Variants in RGL1 observed in about 807,000 individuals in gnomAD.
The protein encoded by RGL1 is ral guanine nucleotide dissociation stimulator like 1.
In RGL1, 24 loss-of-function variants were observed where a neutral mutation model predicts 95.2. That is an observed-to-expected ratio of 0.25 (90% CI 0.18 to 0.35). RGL1 has a LOEUF of 0.35. RGL1 is among the 10% of genes least tolerant of loss of function. The pLI is 1.00. For missense variants in RGL1, 715 were observed against 936.3 expected (o/e 0.76, Z 3.08); for synonymous variants, 329 against 344.9 (o/e 0.95, Z 0.51).
At chr1:183,902,491 A>G in intron 11 of RGL1, 77 bp from the exon 12 acceptor site, 1 of 1,235,266 alleles carries the variant, frequency 8.1e-7, no homozygotes, top group Non-Finnish European at 1.1e-6. Flanking sequence ...GATCTATTTT[A>G]ATGTGACCTA....
intron 1 of RGL1, among the ~76,000 whole-genome samples, chr1:183,662,985 G>A (rs1231028338): frequency 6.6e-6 from 1 of 152,056 alleles, no homozygotes; most frequent in Non-Finnish European, 1.5e-5. Context: ...TTAATAAATG[G>A]TGCTGGGAAA....
At chr1:183,815,657 C>G (rs552341539) in intron 2 of RGL1, among the ~76,000 whole-genome samples, 1 of 152,180 alleles carries the variant, frequency 6.6e-6, no homozygotes, top group East Asian at 1.9e-4. Context: ...AAACTCACCT[C>G]TACCACATGT....
rs753743565 is a variant in RGL1 at position 183,926,112 on chromosome 1, G to A, written c.2127G>A (p.Val709=). The change falls in exon 18 of 18, where the codon GTG becomes GTA. Residue 709 remains valine (V), a synonymous_variant. Transcript: ENST00000360851. ...VQVISEDKEL[V]IPDSANVFYA... The stretch of plus-strand genomic sequence containing the variant: ...TTTCCTTATCTTTTTCAGAACTTGT[G>A]ATTCCAGACTCAGCAAATGTCTTTT... The A allele has an allele frequency of 6.2e-7, 1 of 1,613,202 alleles. No homozygotes were observed. Among genetic ancestry groups the A allele is most frequent in the South Asian group, 1.1e-5 (1 of 90,860 alleles).
chr1:183,811,930 C>T (rs1661745303), intron 2 of RGL1, among the ~76,000 whole-genome samples: 1 of 152,056 alleles, frequency 6.6e-6, no homozygotes, highest in South Asian at 2.1e-4. Flanking sequence ...AAGAAAAAGC[C>T]TCTTGGAGTT....
At chr1:183,686,490 T>G (rs1653595841) in intron 1 of RGL1, among the ~76,000 whole-genome samples, 1 of 152,182 alleles carries the variant, frequency 6.6e-6, no homozygotes, top group African/African-American at 2.4e-5. Flanking sequence ...AAATTTTGAT[T>G]TTTATTCCTA....
chr1:183,877,357 G>A (rs187088914), intron 4 of RGL1, among the ~76,000 whole-genome samples: 216 of 152,308 alleles, frequency 1.4e-3, no homozygotes, highest in African/African-American at 4.9e-3. Flanking sequence ...AAAGCCATTG[G>A]CCAGTAATCC....
At chr1:183,922,078 G>A in intron 16 of RGL1, 144 bp from the exon 17 acceptor site, 1 of 657,870 alleles carries the variant, frequency 1.5e-6, no homozygotes, top group East Asian at 2.8e-5. Flanking sequence ...AGGGATCCTG[G>A]CTCTTGGTCC....
At chr1:183,691,995 T>C (rs1653970380) in intron 1 of RGL1, among the ~76,000 whole-genome samples, 1 of 151,438 alleles carries the variant, frequency 6.6e-6, no homozygotes, top group Admixed American at 6.6e-5. Context: ...ATCTTATTTA[T>C]TGAATCTGGT....
intron 1 of RGL1, among the ~76,000 whole-genome samples, chr1:183,733,068 A>G (rs1656724220): frequency 6.6e-6 from 1 of 152,194 alleles, no homozygotes; most frequent in South Asian, 2.1e-4. Context: ...GATGCATTCT[A>G]TATGGTACAG....
chr1:183,903,419 C>A (rs1032791304), intron 12 of RGL1, among the ~76,000 whole-genome samples: 4 of 152,074 alleles, frequency 2.6e-5, no homozygotes, highest in Non-Finnish European at 5.9e-5. Flanking sequence ...CTGTGATTTT[C>A]ATATTCAAAT....
chr1:183,813,699 G>A (rs929960594), intron 2 of RGL1, among the ~76,000 whole-genome samples: 8 of 152,160 alleles, frequency 5.3e-5, no homozygotes, highest in African/African-American at 1.9e-4. Context: ...AGGTGTCCTG[G>A]TCTTTTTCCA....
At chr1:183,644,023 C>T (rs996065833) in intron 1 of RGL1, among the ~76,000 whole-genome samples, 2 of 152,164 alleles carry the variant, frequency 1.3e-5, no homozygotes, top group South Asian at 4.1e-4. Context: ...AGTTTTCCAC[C>T]CTAGCCCACC....
intron 1 of RGL1, among the ~76,000 whole-genome samples, chr1:183,737,397 T>C (rs1657006095): frequency 6.6e-6 from 1 of 152,152 alleles, no homozygotes; most frequent in African/African-American, 2.4e-5. Context: ...TTGGAAGGAA[T>C]AGAAGAAATA....
intron 2 of RGL1, among the ~76,000 whole-genome samples, chr1:183,815,040 G>A (rs1661990898): frequency 6.6e-6 from 1 of 152,220 alleles, no homozygotes; most frequent in Non-Finnish European, 1.5e-5. Context: ...GGGAGGTCCG[G>A]ATGGGTGGAT....
chr1:183,661,918 A>G (rs1304172789), intron 1 of RGL1, among the ~76,000 whole-genome samples: 3 of 150,486 alleles, frequency 2.0e-5, no homozygotes, highest in Non-Finnish European at 4.4e-5. Flanking sequence ...ACACAAATCA[A>G]TAAATGTAAT....
At chr1:183,709,232 C>T (rs1351577223) in intron 1 of RGL1, 1 of 152,318 alleles carries the variant, frequency 6.6e-6, no homozygotes, top group Non-Finnish European at 1.5e-5. Context: ...CGCCTTGGGA[C>T]TGGGCCTGAG....
intron 7 of RGL1, among the ~76,000 whole-genome samples, chr1:183,886,166 G>A (rs573944398): frequency 2.2e-4 from 34 of 152,216 alleles, no homozygotes; most frequent in Non-Finnish European, 2.5e-4. Context: ...TGATTAAAGA[G>A]CAGAGACACA....
intron 1 of RGL1, among the ~76,000 whole-genome samples, chr1:183,738,990 A>G (rs1056996164): frequency 6.6e-6 from 1 of 152,210 alleles, no homozygotes; most frequent in Non-Finnish European, 1.5e-5. Flanking sequence ...GACTGGCTAT[A>G]TAATTTGTGG....
At chr1:183,871,100 C>A (rs1231034885) in intron 4 of RGL1, among the ~76,000 whole-genome samples, 1 of 152,178 alleles carries the variant, frequency 6.6e-6, no homozygotes, top group African/African-American at 2.4e-5. Context: ...CTTTTTCTTT[C>A]TCTCAAAAAA....
Sources: gnomAD v4.1 joint callset for allele counts (sites outside exome capture counted in the v4.1 genomes callset) on GRCh38, gnomAD v4.1.1 for gene constraint, MANE v1.5 for transcripts, NCBI Gene and HGNC (gene_info 2026-07-23, HGNC 2026-07-21) for gene names.